Variants in FLG observed in about 807,000 individuals in gnomAD.
The protein encoded by FLG is filaggrin, also known as epidermal filaggrin.
Under a neutral mutation model 3.8 loss-of-function variants are expected in FLG, and 6 were observed. The observed-to-expected ratio is 1.60, with a 90% confidence interval of 0.87 to 3.15. FLG has a LOEUF of 3.15. FLG is among the 30% of genes most tolerant of loss of function. FLG has a pLI of 0.00. For missense variants in FLG, 7,595 were observed against 5,050.9 expected, an observed-to-expected ratio of 1.50 and a Z score of -15.27; for synonymous variants, 2,551 against 1,931.6, an observed-to-expected ratio of 1.32 and a Z score of -8.41.
In FLG at chr1:152,307,614, A is replaced by G. The variant is rs1250426184; in HGVS notation, c.7272T>C (p.Ser2424=). ...TCCCGGTCCGTCCATGGGCGGACTC[A>G]GACTGTTCATGAGTGCTCACCTGGT... ...FLYQVSTHEQ[S]ESAHGRTGTS... Residue 2424 remains serine (S), a synonymous_variant, in exon 3 of 3, where the codon TCT becomes TCC. Coordinates refer to ENST00000368799, the MANE Select transcript of FLG (RefSeq NM_002016.2). 2 of 1,613,622 alleles carry G rather than the reference A, an allele frequency of 1.2e-6. No individual in the cohort carries two copies. The highest frequency in any genetic ancestry group is 1.7e-6 in the Non-Finnish European group (2 of 1,179,916).
rs143135026 is a variant in FLG, at chr1:152,303,683, G to A, written c.11203C>T (p.Gln3735Ter). ...GRAGPSTGGR[Q>*]GSRHEQARDS... ...CGTGCCTGCTCGTGGCGGGATCCTT[G>A]TCTTCCTCCAGTACTGGGCCCAGCC... Residue 3735 changes from glutamine to a stop codon, truncating the protein, a stop_gained, in exon 3 of 3, where the codon CAA becomes TAA. Transcript: ENST00000368799. LOFTEE classifies it low-confidence loss of function (END_TRUNC). The A allele has an allele frequency of 3.7e-6, 6 of 1,614,064 alleles. No individual in the cohort carries two copies. Among genetic ancestry groups the A allele is most frequent in the Admixed American group, 1.7e-5 (1 of 60,006 alleles).
Position 152,307,461 on chromosome 1 carries a change from T to A in FLG, c.7425A>T (p.Gly2475=), listed in dbSNP as rs746881186. The part of the protein sequence containing the change: ...HPGSSSGGRQ[G]SHYEQLVDRS... ...TATCTACCAATTGCTCGTAGTGGGA[T>A]CCCTGCCTTCCTCCACTGCTTGACC... The change falls in exon 3 of 3, where the codon GGA becomes GGT. Residue 2475 remains glycine (G), a synonymous_variant. Coordinates refer to ENST00000368799, the MANE Select transcript of FLG (RefSeq NM_002016.2). 4.3e-6 allele frequency: 7 copies of A among 1,613,062 alleles called. No individual in the cohort carries two copies. Among genetic ancestry groups the A allele is most frequent in the African/African-American group, 1.3e-5 (1 of 74,774 alleles).
chr1:152,315,527 G>A, intron 1 of FLG, 50 bp from the exon 2 acceptor site: 6 of 1,373,874 alleles, frequency 4.4e-6, no homozygotes, highest in Non-Finnish European at 4.0e-6. Context: ...TTTTTTCTAG[G>A]TTATATTATT....
Position 152,303,238 on chromosome 1 carries a change from G to C in FLG, c.11648C>G (p.Ala3883Gly). Residue 3883 changes from alanine (A) to glycine (G), a missense_variant, in exon 3 of 3, where the codon GCT (alanine) becomes GGT (glycine). Coordinates refer to ENST00000368799, the MANE Select transcript of FLG (RefSeq NM_002016.2). ...AGAAGATCCATGATGGTTTCTGGAA[G>C]CAGACTCAGATCGCCTCTCAGAGTC... ...PEDSERRSES[A>G]SRNHHGSSRE... 6.2e-7 allele frequency: 1 copy of C among 1,614,120 alleles called. No individual in the cohort carries two copies. Among genetic ancestry groups the C allele is most frequent in the Non-Finnish European group, 8.5e-7 (1 of 1,180,036 alleles).
At position 152,317,884 on chromosome 1, in the gene FLG, T is replaced by C. The variant is rs572855424; in HGVS notation, c.-21-2407A>G. 3.3e-5 allele frequency among the ~76,000 whole-genome samples: 5 copies of C among 152,148 alleles called. No individual in the cohort carries two copies. The South Asian group carries it at 1.0e-3, about 32-fold the overall frequency. ...GCACACCCGTTATCCTCATCAGTTA[T>C]TCCTGTCTTCCTGATGGCTCAAGTC... On this transcript the variant is annotated intron_variant, in intron 1 of 2. Coordinates refer to ENST00000368799, the MANE Select transcript of FLG (RefSeq NM_002016.2).
Position 152,303,578 on chromosome 1 carries a change from G to A in FLG, c.11308C>T (p.Gln3770Ter). The change falls in exon 3 of 3, where the codon CAG becomes TAG. Residue 3770 changes from glutamine to a stop codon, truncating the protein, a stop_gained. Transcript: ENST00000368799. LOFTEE classifies it low-confidence loss of function (END_TRUNC). The stretch of plus-strand genomic sequence containing the variant: ...ACCGATTGCTCGTGGTAGGATCCCT[G>A]TCTTCCTCCTCTCCTTGACCCCGGG... ...GHPGSRRGGR[Q>*]GSYHEQSVDR... 1.9e-6 allele frequency: 3 copies of A among 1,614,060 alleles called. No homozygotes were observed. The highest frequency in any genetic ancestry group is 2.5e-6 in the Non-Finnish European group (3 of 1,180,004).
chr1:152,308,951 T>A lies in FLG; in HGVS notation c.5935A>T (p.Thr1979Ser), dbSNP rs773514761. The A allele has an allele frequency of 6.2e-7, 1 of 1,614,120 alleles. No homozygotes were observed. The highest frequency in any genetic ancestry group is 8.5e-7 in the Non-Finnish European group (1 of 1,179,980). ...CGAGAGGAAGACTCTGTGTGACGAG[T>A]GCCTGATTGTCTGGAGCTGTCTGCA... ...HSADSSRQSG[T>S]RHTESSSRGQ... The change falls in exon 3 of 3, where the codon ACT becomes TCT. Residue 1979 changes from threonine to serine, a missense_variant. Transcript: ENST00000368799.
rs893374458 is a variant in FLG, at chr1:152,314,019, T to C, written c.867A>G (p.Thr289=). 49 of 1,614,102 alleles carry C rather than the reference T, an allele frequency of 3.0e-5. No individual in the cohort carries two copies. Among genetic ancestry groups the C allele is most frequent in the Non-Finnish European group, 4.1e-5 (48 of 1,180,042 alleles). Residue 289 remains threonine, a synonymous_variant, in exon 3 of 3, where the codon ACA becomes ACG. Coordinates refer to ENST00000368799, the MANE Select transcript of FLG (RefSeq NM_002016.2). ...TSQVPLQESR[T]RKRRGSRVSQ... is the part of the protein sequence containing the mutation. ...TAACTCTGGATCCCCTACGCTTTCTTGTCCTGGACTCCTGCAATGGTACCT... is the reference window on the plus strand; with the variant it reads ...TAACTCTGGATCCCCTACGCTTTCTCGTCCTGGACTCCTGCAATGGTACCT...
Position 152,307,361 on chromosome 1 carries a change from C to T in FLG, c.7525G>A (p.Gly2509Arg). The T allele has an allele frequency of 6.2e-7, 1 of 1,613,040 alleles. No homozygotes were observed. Among genetic ancestry groups the T allele is most frequent in the Non-Finnish European group, 8.5e-7 (1 of 1,179,670 alleles). The change falls in exon 3 of 3, where the codon GGA (glycine) becomes AGA (arginine). Residue 2509 changes from glycine (G) to arginine (R), a missense_variant. By Grantham distance (125) the Gly-to-Arg change is moderately radical. Transcript: ENST00000368799. ...GTTTGTCTGCTTGCACTTCTGGATC[C>T]TGAGTGCCCATGGGAGGCATCAGAC... Reference protein sequence around the residue: ...GRSDASHGHSGSRSASRQTRN... With the variant: ...GRSDASHGHSRSRSASRQTRN...
At position 152,308,587 on chromosome 1, in the gene FLG, G is replaced by C; in HGVS notation, c.6299C>G (p.Ser2100Cys). 1 of 1,614,110 alleles carries C rather than the reference G, an allele frequency of 6.2e-7. No homozygotes were observed. The highest frequency in any genetic ancestry group is 1.7e-5 in the Admixed American group (1 of 60,018). Residue 2100 changes from serine to cysteine, a missense_variant, in exon 3 of 3, where the codon TCT becomes TGT. Ser to Cys is a moderately radical substitution (Grantham distance 112, BLOSUM62 -1). Transcript: ENST00000368799. ...CGCAGACTGTCCATGGGTGGACTCA[G>C]ACTGTTCATGAGTGCTCACCTGGTA... The part of the protein sequence containing the change: ...FLYQVSTHEQ[S>C]ESTHGQSAPS...
rs1267120455 is a variant in FLG at position 152,313,603 on chromosome 1, T to G, written c.1283A>C (p.His428Pro). ...SGSQASDSEG[H>P]SENSDTQSVS... ...TGATTGTGTGTCTGAGTTTTCTGAA[T>G]GTCCCTCACTGTCACTGGCCTGACT... The change falls in exon 3 of 3, where the codon CAT becomes CCT. Residue 428 changes from histidine to proline, a missense_variant. Transcript: ENST00000368799. 6.2e-7 allele frequency: 1 copy of G among 1,614,002 alleles called. No individual in the cohort carries two copies. Among genetic ancestry groups the G allele is most frequent in the Non-Finnish European group, 8.5e-7 (1 of 1,180,032 alleles).
rs549879189 is a variant in FLG, at chr1:152,312,453, C to G, written c.2433G>C (p.Gly811=). The stretch of plus-strand genomic sequence containing the variant: ...ATCCTTGTCTTACTCCAGTGCTGGG[C>G]CCTGTCCATCCATGGGAGGACTCAG... ...KQSESSHGWT[G]PSTGVRQGSH... The change falls in exon 3 of 3, where the codon GGG becomes GGC. Residue 811 remains glycine, a synonymous_variant. Coordinates refer to ENST00000368799, the MANE Select transcript of FLG (RefSeq NM_002016.2). 1 of 1,613,472 alleles carries G rather than the reference C, an allele frequency of 6.2e-7. No individual in the cohort carries two copies. Among genetic ancestry groups the G allele is most frequent in the East Asian group, 2.2e-5 (1 of 44,820 alleles).
intron 1 of FLG, among the ~76,000 whole-genome samples, chr1:152,317,864 C>G (rs1038191220): frequency 1.3e-5 from 2 of 151,936 alleles, no homozygotes; most frequent in African/African-American, 4.8e-5. Flanking sequence ...ATGTCGCACA[C>G]CCGTTATCCT....
In FLG at chr1:152,312,921, A is replaced by T. The variant is rs1450974478; in HGVS notation, c.1965T>A (p.Asp655Glu). ...GATGGGACCTGGGGTGTCTGGAGCC[A>T]TCTCTTGACTGCTCCTGAGCAGATC... ...HHGSAQEQSR[D>E]GSRHPRSHHE... The change falls in exon 3 of 3, where the codon GAT (aspartate) becomes GAA (glutamate). Residue 655 changes from aspartate to glutamate, a missense_variant. Physicochemically the swap from Asp to Glu is conservative, Grantham distance 45. Transcript: ENST00000368799. 2 of 1,613,966 alleles carry T rather than the reference A, an allele frequency of 1.2e-6. No homozygotes were observed. Among genetic ancestry groups the T allele is most frequent in the South Asian group, 1.1e-5 (1 of 91,070 alleles).
At position 152,302,383 on chromosome 1, in the gene FLG, G is replaced by T; in HGVS notation, c.*317C>A. On this transcript the variant is annotated 3_prime_UTR_variant, in exon 3 of 3. Transcript: ENST00000368799. ...CTGAAAAAGATTAATTTAGAAATTT[G>T]GGGAGTGTCTAAAACTTAAACTTTC... The T allele has an allele frequency of 3.1e-6, 1 of 324,424 alleles. No homozygotes were observed. Among genetic ancestry groups the T allele is most frequent in the Non-Finnish European group, 5.7e-6 (1 of 176,428 alleles). 20.1% of individuals were successfully genotyped at this position (324,424 alleles called of 1,614,324 possible). A position where few individuals can be genotyped will look rare whatever the true frequency, so the allele number is the denominator to read the frequency against.
At chr1:152,314,864 TC>T (rs1652721888) in intron 2 of FLG, 117 bp from the exon 3 acceptor site, 13 of 1,325,678 alleles carry the variant, frequency 9.8e-6, no homozygotes, top group Non-Finnish European at 1.3e-5. Flanking sequence ...TGGGACAAAA[TC>T]TTTTTTTTTT....
In FLG at chr1:152,310,562, G is replaced by A. The variant is rs372630215; in HGVS notation, c.4324C>T (p.Leu1442Phe). 1.2e-6 allele frequency: 2 copies of A among 1,613,858 alleles called. No homozygotes were observed. Among genetic ancestry groups the A allele is most frequent in the Non-Finnish European group, 1.7e-6 (2 of 1,179,918 alleles). ...GESSGRSRSF[L>F]YQVSSHEQSE... ...TGTTCATGAGAGCTCACCTGGTAGA[G>A]GAAAGACCTTGAACGTCCAGAGCTT... The change falls in exon 3 of 3, where the codon CTC becomes TTC. Residue 1442 changes from leucine (L) to phenylalanine (F), a missense_variant. Transcript: ENST00000368799.
rs373662277 is a variant in FLG at position 152,308,557 on chromosome 1, C to G, written c.6329G>C (p.Ser2110Thr). The G allele has an allele frequency of 6.2e-7, 1 of 1,614,066 alleles. No homozygotes were observed. The stretch of plus-strand genomic sequence containing the variant: ...ATGGGATCCTTGTCTTCCTCCAGTG[C>G]TGGGCGCAGACTGTCCATGGGTGGA... ...SESTHGQSAPSTGGRQGSHYD... is the reference protein window; with the variant it reads ...SESTHGQSAPTTGGRQGSHYD... The change falls in exon 3 of 3, where the codon AGC becomes ACC. Residue 2110 changes from serine (S) to threonine (T), a missense_variant. Physicochemically the swap from Ser to Thr is moderately conservative, Grantham distance 58 (BLOSUM62 1). Coordinates refer to ENST00000368799, the MANE Select transcript of FLG (RefSeq NM_002016.2).
At position 152,308,409 on chromosome 1, in the gene FLG, A is replaced by G. The variant is rs771980280; in HGVS notation, c.6477T>C (p.Asp2159=). The G allele has an allele frequency of 6.2e-6, 10 of 1,613,158 alleles. No individual in the cohort carries two copies. In the South Asian group the frequency reaches 8.8e-5, roughly 14 times the overall value. ...RQGSHQEQSV[D]RSGHSGSHHS... ...GATGAGACCCTGAGTGTCCAGACCT[A>G]TCTACCGATTGCTCTTGGTGGGACC... The change falls in exon 3 of 3, where the codon GAT becomes GAC. Residue 2159 remains aspartate, a synonymous_variant. Transcript: ENST00000368799.
Sources: allele counts gnomAD v4.1 joint callset (sites outside exome capture counted in the v4.1 genomes callset), GRCh38; gene constraint gnomAD v4.1.1; transcripts MANE v1.5; gene names NCBI Gene and HGNC (gene_info 2026-07-23, HGNC 2026-07-21).